The following CUL9 variants were observed in gnomAD, a reference collection of about 807,000 sequenced individuals.
CUL9 encodes cullin-9.
CUL9 carries 79 observed loss-of-function variants against 272.6 expected under a neutral mutation model. That is an observed-to-expected ratio of 0.29 (90% CI 0.24 to 0.35). The LOEUF (loss-of-function observed/expected upper bound fraction) is 0.35, where lower values mean the gene tolerates loss of function less well. Ranked by LOEUF, CUL9 falls within the 10% of genes least tolerant of loss-of-function variation. CUL9 has a pLI of 1.00. For missense variants in CUL9, 2,532 were observed against 3,255.6 expected (o/e 0.78, Z 5.41); for synonymous variants, 1,186 against 1,286.5 (o/e 0.92, Z 1.67).
chr6:43,200,093 G>A lies in CUL9; in HGVS notation c.3321G>A (p.Glu1107=), dbSNP rs147346485. 136 of 1,614,108 alleles carry A rather than the reference G, an allele frequency of 8.4e-5. No individual in the cohort carries two copies. The highest frequency in any genetic ancestry group is 1.0e-4 in the Admixed American group (6 of 60,002). ...GTGAGCTTCGGGACCTGGTGACAGA[G>A]TGTGAGAAGTACGCACAGCTCTATA... The part of the protein sequence containing the change: ...LGCELRDLVT[E]CEKYAQLYSN... The change falls in exon 14 of 41, where the codon GAG becomes GAA. Residue 1107 remains glutamate, a synonymous_variant. Transcript: ENST00000252050. The surrounding 1 kb of genome is among the most constrained non-coding windows in gnomAD (Gnocchi z 4.0).
At position 43,198,589 on chromosome 6, in the gene CUL9, T is replaced by C. The variant is rs777380670; in HGVS notation, c.2804-20T>C. 2 of 1,612,710 alleles carry C rather than the reference T, an allele frequency of 1.2e-6. No homozygotes were observed. Among genetic ancestry groups the C allele is most frequent in the South Asian group, 1.1e-5 (1 of 91,040 alleles). ...AAGACTCTTCATCCACATTTTTCCCTCTGGTGTGTCTGGCTGCAGCACTAG... is the reference window on the plus strand; with the variant it reads ...AAGACTCTTCATCCACATTTTTCCCCCTGGTGTGTCTGGCTGCAGCACTAG... On this transcript the variant is annotated intron_variant, in intron 11 of 40. Transcript: ENST00000252050.
intron 31 of CUL9, among the ~76,000 whole-genome samples, chr6:43,216,765 G>A (rs1775975619): frequency 6.6e-6 from 1 of 152,200 alleles, no homozygotes; most frequent in African/African-American, 2.4e-5. Flanking sequence ...ATCACTGGAA[G>A]CTTTTATAAG....
chr6:43,203,425 T>G lies in CUL9; in HGVS notation c.3858T>G (p.Ile1286Met), dbSNP rs766756483. Reference protein sequence around the residue: ...IRIKRCQQGGIDTRVRGVEVL... With the variant: ...IRIKRCQQGGMDTRVRGVEVL... ...GTCTGTGCATGTTCCAGGGCGGCAT[T>G]GACACCCGGGTTCGGGGTGTGGAGG... is the stretch of plus-strand genomic sequence containing the variant. Residue 1286 changes from isoleucine to methionine, a missense_variant, in exon 19 of 41, where the codon ATT becomes ATG. This residue lies in a region of CUL9 where 2,218 missense variants were observed against 2,788.6 expected (regional missense o/e 0.80). Transcript: ENST00000252050. This position sits in a 1 kb window ranked among gnomAD's most constrained non-coding sequence, Gnocchi z 5.0. 2 of 1,614,036 alleles carry G rather than the reference T, an allele frequency of 1.2e-6. No homozygotes were observed. Among genetic ancestry groups the G allele is most frequent in the Non-Finnish European group, 1.7e-6 (2 of 1,179,978 alleles).
chr6:43,189,612 T>A (rs957771897), intron 8 of CUL9, among the ~76,000 whole-genome samples: 2 of 151,442 alleles, frequency 1.3e-5, no homozygotes, highest in African/African-American at 4.9e-5. Context: ...AGTGTGATCT[T>A]GGCTCACTGC....
rs1776511638 is a variant in CUL9, at chr6:43,223,180, G to A, written c.7151-84G>A. 4.7e-6 allele frequency: 7 copies of A among 1,485,420 alleles called. No individual in the cohort carries two copies. Among genetic ancestry groups the A allele is most frequent in the Non-Finnish European group, 6.3e-6 (7 of 1,104,658 alleles). 92.0% of individuals were successfully genotyped at this position (1,485,420 alleles called of 1,614,324 possible). ...TGTCTAGAGCTGCACCTGGTGCTTG[G>A]TAGACGTTCCATAGGTGTTTGTTGG... On this transcript the variant is annotated intron_variant, in intron 38 of 40. Coordinates refer to ENST00000252050, the MANE Select transcript of CUL9 (RefSeq NM_015089.4). The surrounding 1 kb of genome is among the most constrained non-coding windows in gnomAD (Gnocchi z 4.1).
rs373321737 is a variant in CUL9 at position 43,221,334 on chromosome 6, G to A, written c.6752+13G>A. ...AGGGGTGCCTGCAGTAAGAAGGGGG[G>A]TACTGTGGGGAGCCAGAGGGCAAGG... On this transcript the variant is annotated intron_variant, in intron 34 of 40. Coordinates refer to ENST00000252050, the MANE Select transcript of CUL9 (RefSeq NM_015089.4). The surrounding 1 kb of genome is among the most constrained non-coding windows in gnomAD (Gnocchi z 4.2). The A allele has an allele frequency of 3.8e-6, 6 of 1,591,230 alleles. No individual in the cohort carries two copies. The highest frequency in any genetic ancestry group is 5.1e-6 in the Non-Finnish European group (6 of 1,173,832).
At chr6:43,198,469 A>G in intron 11 of CUL9, 140 bp from the exon 12 acceptor site, 1 of 1,498,868 alleles carries the variant, frequency 6.7e-7, no homozygotes. Flanking sequence ...AAAACCCCTC[A>G]TAGTTTGGTT....
chr6:43,210,643 T>C (rs1415094847), intron 26 of CUL9, among the ~76,000 whole-genome samples: 1 of 152,238 alleles, frequency 6.6e-6, no homozygotes, highest in African/African-American at 2.4e-5. Flanking sequence ...ACATGTCTTA[T>C]AAAAACCTAG....
rs763179434 is a variant in CUL9 at position 43,206,545 on chromosome 6, G to T, written c.5212+35G>T. 1.7e-5 allele frequency: 28 copies of T among 1,604,260 alleles called. No homozygotes were observed. Among genetic ancestry groups the T allele is most frequent in the Non-Finnish European group, 2.3e-5 (27 of 1,171,270 alleles). The stretch of plus-strand genomic sequence containing the variant: ...TAGGGAGAGGAAATTGGAGATCGGG[G>T]TGAGATTCGGGGTGGCAAGAGAGGA... On this transcript the variant is annotated intron_variant, in intron 26 of 40. Coordinates refer to ENST00000252050, the MANE Select transcript of CUL9 (RefSeq NM_015089.4). This position sits in a 1 kb window ranked among gnomAD's most constrained non-coding sequence, Gnocchi z 4.8.
chr6:43,195,697 C>T (rs370424416), intron 9 of CUL9, among the ~76,000 whole-genome samples: 11 of 151,964 alleles, frequency 7.2e-5, no homozygotes, highest in African/African-American at 2.2e-4. Context: ...GTAAGAAGCC[C>T]CTGAAGACAA....
chr6:43,208,139 A>C (rs572457441), intron 26 of CUL9, among the ~76,000 whole-genome samples: 3 of 152,350 alleles, frequency 2.0e-5, no homozygotes, highest in Admixed American at 6.5e-5. Context: ...GTGGCAATTA[A>C]GTACTTGGAA....
At chr6:43,217,126 T>A (rs1203352327) in intron 31 of CUL9, among the ~76,000 whole-genome samples, 3 of 152,168 alleles carry the variant, frequency 2.0e-5, no homozygotes, top group Admixed American at 2.0e-4. Context: ...GAGGCTGATG[T>A]AGGCAGATTG....
chr6:43,206,211 G>A lies in CUL9; in HGVS notation c.4998G>A (p.Glu1666=). ...DKLFLEQEDE[E]EKRLEEEEEE... The stretch of plus-strand genomic sequence containing the variant: ...TGTTCTTGGAGCAGGAAGATGAGGA[G>A]GAAAAGAGACTAGAGGAAGAGGAGG... Residue 1666 remains glutamate, a synonymous_variant, in exon 25 of 41, where the codon GAG becomes GAA. Coordinates refer to ENST00000252050, the MANE Select transcript of CUL9 (RefSeq NM_015089.4). The surrounding 1 kb of genome is among the most constrained non-coding windows in gnomAD (Gnocchi z 4.8). 9 of 1,612,066 alleles carry A rather than the reference G, an allele frequency of 5.6e-6. No homozygotes were observed. Among genetic ancestry groups the A allele is most frequent in the Non-Finnish European group, 7.6e-6 (9 of 1,179,140 alleles).
rs933851824 is a variant in CUL9 at position 43,218,657 on chromosome 6, G to C, written c.6283-1802G>C. Reference sequence around the variant, plus strand: ...TAGTTTGGACTGGGGCAGTGGCGATGAGAGAGGGTGGATTGGGACACATTT... The same window carrying C: ...TAGTTTGGACTGGGGCAGTGGCGATCAGAGAGGGTGGATTGGGACACATTT... On this transcript the variant is annotated intron_variant, in intron 31 of 40. Transcript: ENST00000252050. This position sits in a 1 kb window ranked among gnomAD's most constrained non-coding sequence, Gnocchi z 4.4. 6.6e-6 allele frequency among the ~76,000 whole-genome samples: 1 copy of C among 152,230 alleles called. No homozygotes were observed. The highest frequency in any genetic ancestry group is 6.5e-5 in the Admixed American group (1 of 15,278).
At position 43,220,565 on chromosome 6, in the gene CUL9, G is replaced by A. The variant is rs141053121; in HGVS notation, c.6389G>A (p.Arg2130His). The change falls in exon 32 of 41, where the codon CGT (arginine) becomes CAT (histidine). Residue 2130 changes from arginine (R) to histidine (H), a missense_variant. Coordinates refer to ENST00000252050, the MANE Select transcript of CUL9 (RefSeq NM_015089.4). The surrounding 1 kb of genome is among the most constrained non-coding windows in gnomAD (Gnocchi z 4.9). ...GCCCAGCCCACCGGAGCCTTCATTC[G>A]TGCCATCGTCTCCTCGCCAGAGGTC... ...CPAQPTGAFIRAIVSSPEVIS... is the reference protein window; with the variant it reads ...CPAQPTGAFIHAIVSSPEVIS... The A allele has an allele frequency of 8.1e-6, 13 of 1,613,958 alleles. No homozygotes were observed. Among genetic ancestry groups the A allele is most frequent in the East Asian group, 4.5e-5 (2 of 44,884 alleles).
In CUL9 at chr6:43,184,702, C is replaced by T. The variant is rs1368505676; in HGVS notation, c.392C>T (p.Ala131Val). Residue 131 changes from alanine to valine, a missense_variant, in exon 2 of 41, where the codon GCA (alanine) becomes GTA (valine). Coordinates refer to ENST00000252050, the MANE Select transcript of CUL9 (RefSeq NM_015089.4). The surrounding 1 kb of genome is among the most constrained non-coding windows in gnomAD (Gnocchi z 4.8). ...GTACGCAGGGCGGCCAGGCAGCTGG[C>T]AGAAAGTGGGACCCCAAGCCTCACG... ...ALVRRAARQLAESGTPSLTAA... is the reference protein window; with the variant it reads ...ALVRRAARQLVESGTPSLTAA... 1.2e-6 allele frequency: 2 copies of T among 1,613,834 alleles called. No homozygotes were observed. The highest frequency in any genetic ancestry group is 2.2e-5 in the East Asian group (1 of 44,868).
Position 43,204,443 on chromosome 6 carries a change from G to T in CUL9, c.4243G>T (p.Ala1415Ser). 2.5e-6 allele frequency: 4 copies of T among 1,614,198 alleles called. No homozygotes were observed. The South Asian group carries it at 4.4e-5, about 18-fold the overall frequency. Reference protein sequence around the residue: ...RETSRNPLSRAASFASRVRRL... With the variant: ...RETSRNPLSRSASFASRVRRL... ...GACCTCTCGGAACCCCTTGAGTCGA[G>T]CAGCGTCCTTTGCTTCTCGAGTTCG... Residue 1415 changes from alanine (A) to serine (S), a missense_variant, in exon 21 of 41, where the codon GCA (alanine) becomes TCA (serine). Coordinates refer to ENST00000252050, the MANE Select transcript of CUL9 (RefSeq NM_015089.4).
In CUL9 at chr6:43,223,709, G is replaced by A. The variant is rs1776570823; in HGVS notation, c.7284+312G>A. The stretch of plus-strand genomic sequence containing the variant: ...GACTGTACTTCCCAGATAGGGATTT[G>A]AAATCCTAAGAGTGGGCATCAGGGG... On this transcript the variant is annotated intron_variant, in intron 39 of 40. Transcript: ENST00000252050. The surrounding 1 kb of genome is among the most constrained non-coding windows in gnomAD (Gnocchi z 4.1). 1 of 505,952 alleles carries A rather than the reference G, an allele frequency of 2.0e-6. No homozygotes were observed. The highest frequency in any genetic ancestry group is 3.6e-6 in the Non-Finnish European group (1 of 280,694). The allele number at this position is 505,952 out of a possible 1,614,324, so 31.3% of individuals were successfully genotyped here. A position where few individuals can be genotyped will look rare whatever the true frequency, so the allele number is the denominator to read the frequency against.
Position 43,224,246 on chromosome 6 carries a change from C to A in CUL9, c.7359-4C>A. On this transcript the variant is annotated splice_polypyrimidine_tract_variant and splice_region_variant and intron_variant, in intron 40 of 40. Transcript: ENST00000252050. This position sits in a 1 kb window ranked among gnomAD's most constrained non-coding sequence, Gnocchi z 4.2. The stretch of plus-strand genomic sequence containing the variant: ...TCTGGGCTGAGTGTGGTGGCTCTCC[C>A]TAGGCCCCAGGCCTCCTCAGGGCCA... 6.2e-7 allele frequency: 1 copy of A among 1,614,122 alleles called. No homozygotes were observed. Among genetic ancestry groups the A allele is most frequent in the Non-Finnish European group, 8.5e-7 (1 of 1,179,984 alleles).
Sources: allele counts gnomAD v4.1 joint callset (sites outside exome capture counted in the v4.1 genomes callset), GRCh38; gene constraint gnomAD v4.1.1; regional missense constraint gnomAD v4.1.1; non-coding constraint Gnocchi (gnomAD v3.1); transcripts MANE v1.5; gene names NCBI Gene and HGNC (gene_info 2026-07-23, HGNC 2026-07-21).